The following C10orf90 variants were observed in gnomAD, a reference collection of about 807,000 sequenced individuals.
C10orf90 encodes the protein (E2-independent) E3 ubiquitin-conjugating enzyme FATS.
In C10orf90, 56 loss-of-function variants were observed where a neutral mutation model predicts 62.5. That is an observed-to-expected ratio of 0.90 (90% CI 0.72 to 1.12). The LOEUF (loss-of-function observed/expected upper bound fraction) is 1.12. C10orf90 is among the 50% of genes most tolerant of loss of function. The probability of loss-of-function intolerance (pLI) is 0.00; values close to 1 mark genes in which losing one functional copy is unlikely to be tolerated. For missense variants in C10orf90, 970 were observed against 880.4 expected (o/e 1.10, Z -1.29); for synonymous variants, 386 against 340.4 (o/e 1.13, Z -1.47).
intron 2 of C10orf90, among the ~76,000 whole-genome samples, chr10:126,560,402 C>A (rs1284508250): frequency 6.6e-6 from 1 of 152,186 alleles, no homozygotes; most frequent in Non-Finnish European, 1.5e-5. Flanking sequence ...TAATAAGCTG[C>A]CGACGCGCAC....
intron 2 of C10orf90, among the ~76,000 whole-genome samples, chr10:126,517,650 A>G (rs574174601): frequency 1.5e-4 from 23 of 152,226 alleles, no homozygotes; most frequent in African/African-American, 4.8e-4. Flanking sequence ...AGTGGCTCAC[A>G]CCTGTAATTC....
intron 2 of C10orf90, among the ~76,000 whole-genome samples, chr10:126,540,648 C>T (rs1478410888): frequency 7.7e-6 from 1 of 129,836 alleles, no homozygotes; most frequent in African/African-American, 2.9e-5. Flanking sequence ...GACAGGGTGA[C>T]AAAGTGAGAC....
At chr10:126,429,073 C>T (rs1469419307) in intron 8 of C10orf90, among the ~76,000 whole-genome samples, 1 of 152,134 alleles carries the variant, frequency 6.6e-6, no homozygotes, top group African/African-American at 2.4e-5. Context: ...GATAATTCCT[C>T]CCTGTGCTAG....
At chr10:126,493,286 G>T (rs1249385674) in intron 4 of C10orf90, among the ~76,000 whole-genome samples, 6 of 151,788 alleles carry the variant, frequency 4.0e-5, no homozygotes, top group Non-Finnish European at 8.8e-5. Flanking sequence ...TTCTCTCTGG[G>T]CAGTAGGATT....
intron 4 of C10orf90, among the ~76,000 whole-genome samples, chr10:126,478,254 T>C (rs543724496): frequency 2.6e-5 from 4 of 152,344 alleles, no homozygotes; most frequent in South Asian, 2.1e-4. Context: ...TCCCACCTGG[T>C]TCTGCCACCC....
chr10:126,605,298 G>A (rs12762494), intron 2 of C10orf90, among the ~76,000 whole-genome samples: 8,498 of 152,244 alleles, frequency 0.056, 276 homozygotes, highest in Middle Eastern at 0.12. Flanking sequence ...TGACTCCAGC[G>A]CTCTCCTCTC....
chr10:126,450,617 A>G (rs1859116156), intron 7 of C10orf90, among the ~76,000 whole-genome samples: 1 of 152,234 alleles, frequency 6.6e-6, no homozygotes. Context: ...CAACAAATTG[A>G]GTTGGGAAGA....
chr10:126,453,114 T>C lies in C10orf90; in HGVS notation c.2188+5926A>G, dbSNP rs994703941. Among the ~76,000 whole-genome samples the C allele has an allele frequency of 1.3e-5, 2 of 152,132 alleles. No individual in the cohort carries two copies. The highest frequency in any genetic ancestry group is 4.8e-5 in the African/African-American group (2 of 41,440). On this transcript the variant is annotated intron_variant, in intron 7 of 9. Transcript: ENST00000488181. The surrounding 1 kb of genome is among the most constrained non-coding windows in gnomAD (Gnocchi z 4.9). ...ACCAAGAATCATCAGGGAAAGAAGA[T>C]TTGTTGGAGAAGGAATTCTGCCGTG...
chr10:126,641,529 T>G (rs1846058682), intron 2 of C10orf90, among the ~76,000 whole-genome samples: 1 of 152,096 alleles, frequency 6.6e-6, no homozygotes, highest in Admixed American at 6.6e-5. Flanking sequence ...AAGTTCCAAG[T>G]GACCTTCATC....
At chr10:126,553,731 A>AT (rs1157772116) in intron 2 of C10orf90, among the ~76,000 whole-genome samples, 1 of 152,204 alleles carries the variant, frequency 6.6e-6, no homozygotes, top group African/African-American at 2.4e-5. Flanking sequence ...GTTTCTGTAC[A>AT]TATACTCTAT....
chr10:126,521,200 T>C (rs2099552), intron 2 of C10orf90: 1,198,608 of 1,394,720 alleles, frequency 0.86, 515,827 homozygotes, highest in African/African-American at 0.97. Flanking sequence ...TGGGGCCTCA[T>C]ACAGTACTGG....
chr10:126,532,638 C>A (rs1265756577), intron 2 of C10orf90, among the ~76,000 whole-genome samples: 1 of 151,340 alleles, frequency 6.6e-6, no homozygotes. Flanking sequence ...GAAATCGAGA[C>A]CATCCTGGCT....
intron 2 of C10orf90, among the ~76,000 whole-genome samples, chr10:126,605,487 G>A (rs1377175915): frequency 6.6e-6 from 1 of 152,194 alleles, no homozygotes; most frequent in Non-Finnish European, 1.5e-5. Context: ...TCCTTGGAGA[G>A]GCCCCTGCGC....
intron 5 of C10orf90, among the ~76,000 whole-genome samples, chr10:126,463,550 C>A (rs148637115): frequency 6.6e-6 from 1 of 152,194 alleles, no homozygotes; most frequent in Non-Finnish European, 1.5e-5. Context: ...CCCCCACAAC[C>A]CTTGCGCCCT....
intron 1 of C10orf90, among the ~76,000 whole-genome samples, chr10:126,663,344 G>A (rs964043708): frequency 6.6e-6 from 1 of 152,064 alleles, no homozygotes; most frequent in Admixed American, 6.5e-5. Flanking sequence ...TGCTGCCCCC[G>A]ACCCAGCACC....
At position 126,464,847 on chromosome 10, in the gene C10orf90, C is replaced by A. The variant is rs763231612; in HGVS notation, c.1674G>T (p.Leu558=). 2 of 1,614,062 alleles carry A rather than the reference C, an allele frequency of 1.2e-6. No individual in the cohort carries two copies. The highest frequency in any genetic ancestry group is 1.7e-6 in the Non-Finnish European group (2 of 1,180,042). ...CTGTGGGCTCAGAAAGGTCTCTAGA[C>A]AGACAGTCATCGCTTGGAGAGCTAT... ...IGDSSPSDDC[L]SRDLSEPTER... is the part of the protein sequence containing the mutation. Residue 558 remains leucine, a synonymous_variant, in exon 5 of 10, where the codon CTG becomes CTT. Coordinates refer to ENST00000488181, the MANE Select transcript of C10orf90 (RefSeq NM_001350921.2).
At chr10:126,439,695 T>G (rs1033467866) in intron 7 of C10orf90, among the ~76,000 whole-genome samples, 1 of 151,894 alleles carries the variant, frequency 6.6e-6, no homozygotes, top group Non-Finnish European at 1.5e-5. Context: ...TAAAAGGCAT[T>G]AACAGACAAA....
intron 2 of C10orf90, among the ~76,000 whole-genome samples, chr10:126,645,253 A>C (rs1037269973): frequency 6.8e-6 from 1 of 146,976 alleles, no homozygotes; most frequent in African/African-American, 2.6e-5. Flanking sequence ...CTAAAACTTA[A>C]AGTATAAAAA....
intron 2 of C10orf90, among the ~76,000 whole-genome samples, chr10:126,535,192 T>C (rs1300968978): frequency 7.5e-6 from 1 of 132,618 alleles, no homozygotes; most frequent in African/African-American, 3.0e-5. Flanking sequence ...GAGAGAGAGA[T>C]TCACACAAAA....
Sources: allele counts gnomAD v4.1 joint callset (sites outside exome capture counted in the v4.1 genomes callset), GRCh38; gene constraint gnomAD v4.1.1; non-coding constraint Gnocchi (gnomAD v3.1); transcripts MANE v1.5; gene names NCBI Gene and HGNC (gene_info 2026-07-23, HGNC 2026-07-21).